The following ERC2 variants were observed in gnomAD, a reference collection of about 807,000 sequenced individuals.
The protein encoded by ERC2 is ERC protein 2.
A neutral mutation model predicts 114.8 loss-of-function variants in ERC2; 42 were observed. The ratio of observed to expected loss-of-function variants is 0.37; its 90% CI spans 0.29 to 0.47. The LOEUF (loss-of-function observed/expected upper bound fraction) is 0.47. Ranked by LOEUF, ERC2 falls within the 20% of genes least tolerant of loss-of-function variation. ERC2 has a pLI of 0.99. For synonymous variants in ERC2, 454 were observed against 425.5 expected, an observed-to-expected ratio of 1.07 and a Z score of -0.82; for missense variants, 939 against 1,150.7, an observed-to-expected ratio of 0.82 and a Z score of 2.66.
intron 2 of ERC2, among the ~76,000 whole-genome samples, chr3:56,323,125 T>C (rs2057202237): frequency 6.6e-6 from 1 of 152,156 alleles, no homozygotes; most frequent in Non-Finnish European, 1.5e-5. Context: ...ATCTTGGAAT[T>C]TCCAGCCACC....
At chr3:56,010,855 G>A (rs1308975852) in intron 8 of ERC2, among the ~76,000 whole-genome samples, 3 of 152,204 alleles carry the variant, frequency 2.0e-5, no homozygotes, top group Non-Finnish European at 1.5e-5. Context: ...GGTTGCTCTT[G>A]GTTCATGGTA....
chr3:56,007,306 G>A lies in ERC2; in HGVS notation c.1936C>T (p.Leu646Phe). 2 of 1,598,358 alleles carry A rather than the reference G, an allele frequency of 1.3e-6. No homozygotes were observed. The highest frequency in any genetic ancestry group is 1.7e-6 in the Non-Finnish European group (2 of 1,172,030). The stretch of plus-strand genomic sequence containing the variant: ...GCTAATGAAGATGCATGTTCTTTGA[G>A]GTCAATTAAACTAGACTGAAAGAGA... ...LTEKESSLID[L>F]KEHASSLASA... Residue 646 changes from leucine to phenylalanine, a missense_variant, in exon 10 of 18, where the codon CTC becomes TTC. By Grantham distance (22) the Leu-to-Phe change is conservative. Transcript: ENST00000288221.
At chr3:56,091,816 G>A (rs143244578) in intron 6 of ERC2, among the ~76,000 whole-genome samples, 2 of 152,186 alleles carry the variant, frequency 1.3e-5, no homozygotes, top group African/African-American at 4.8e-5. Context: ...GCCTTTCAAG[G>A]CGTCTAGTTA....
At chr3:56,361,536 G>A (rs1289271567) in intron 2 of ERC2, among the ~76,000 whole-genome samples, 1 of 152,128 alleles carries the variant, frequency 6.6e-6, no homozygotes, top group Non-Finnish European at 1.5e-5. Context: ...AATATAAATG[G>A]TCAAGACTCA....
intron 16 of ERC2, among the ~76,000 whole-genome samples, chr3:55,693,474 G>A (rs1425432535): frequency 2.6e-5 from 4 of 152,074 alleles, no homozygotes; most frequent in Non-Finnish European, 5.9e-5. Context: ...ACCCAGAGCA[G>A]TTCCCCTCCC....
chr3:56,332,943 T>G (rs1189171628), intron 2 of ERC2, among the ~76,000 whole-genome samples: 1 of 152,254 alleles, frequency 6.6e-6, no homozygotes, highest in Non-Finnish European at 1.5e-5. Flanking sequence ...TACTGCATTT[T>G]CTATTTACTT....
At chr3:56,355,535 T>C (rs775179090) in intron 2 of ERC2, among the ~76,000 whole-genome samples, 9 of 152,012 alleles carry the variant, frequency 5.9e-5, no homozygotes, top group Non-Finnish European at 1.3e-4. Context: ...TGGTCTTGAA[T>C]TTCTGCACTC....
chr3:55,618,256 G>A (rs914742846), intron 17 of ERC2, among the ~76,000 whole-genome samples: 1 of 152,062 alleles, frequency 6.6e-6, no homozygotes, highest in African/African-American at 2.4e-5. Flanking sequence ...AGAGACTTGG[G>A]GTAAGTACAG....
chr3:56,422,576 G>A (rs1044370425), intron 2 of ERC2, among the ~76,000 whole-genome samples: 13 of 152,100 alleles, frequency 8.5e-5, no homozygotes, highest in African/African-American at 2.7e-4. Flanking sequence ...TGTCCTTTCT[G>A]TATACCTCTT....
intron 6 of ERC2, among the ~76,000 whole-genome samples, chr3:56,135,477 C>T (rs1257684245): frequency 3.9e-5 from 6 of 152,050 alleles, no homozygotes; most frequent in African/African-American, 1.2e-4. Context: ...TGTGACCTGC[C>T]CAAACATCCC....
chr3:56,186,114 TAAAAAAAAAAAAAAAA>T (rs201544979), intron 3 of ERC2, among the ~76,000 whole-genome samples: 3 of 102,546 alleles, frequency 2.9e-5, no homozygotes, highest in Admixed American at 1.1e-4. Flanking sequence ...TCAAGAACCT[TAAAAAAAAAAAAAAAA>T]AAAAAAAAAA....
intron 6 of ERC2, among the ~76,000 whole-genome samples, chr3:56,129,643 G>A (rs1375350625): frequency 6.6e-6 from 1 of 152,078 alleles, no homozygotes; most frequent in Non-Finnish European, 1.5e-5. Context: ...CTTAGCAGAG[G>A]ACATGTATTT....
intron 4 of ERC2, among the ~76,000 whole-genome samples, chr3:56,169,822 AAC>A (rs371947199): frequency 0.25 from 36,443 of 143,986 alleles, 5,770 homozygotes; most frequent in Middle Eastern, 0.38. Flanking sequence ...AAAAAAAAAA[AAC>A]AAATGGCTTT....
At chr3:56,281,272 C>G (rs34718158) in intron 3 of ERC2, among the ~76,000 whole-genome samples, 38,350 of 150,074 alleles carry the variant, frequency 0.26, 5,721 homozygotes, top group Non-Finnish European at 0.33. Flanking sequence ...CCCGTCTCTA[C>G]TAAAAATACA....
chr3:56,393,248 A>T (rs1025189797), intron 2 of ERC2, among the ~76,000 whole-genome samples: 1 of 152,174 alleles, frequency 6.6e-6, no homozygotes, highest in East Asian at 1.9e-4. Flanking sequence ...AAATACAAAA[A>T]TTAGCCAGGC....
At chr3:56,418,123 C>A (rs1257648546) in intron 2 of ERC2, among the ~76,000 whole-genome samples, 1 of 150,124 alleles carries the variant, frequency 6.7e-6, no homozygotes, top group African/African-American at 2.5e-5. Flanking sequence ...CCTGTCTCTA[C>A]AAAAAAAAAT....
intron 12 of ERC2, among the ~76,000 whole-genome samples, chr3:55,973,299 G>T (rs189752823): frequency 1.3e-5 from 2 of 152,308 alleles, no homozygotes; most frequent in East Asian, 3.9e-4. Flanking sequence ...ATGAGCTACA[G>T]GCCACTTAGA....
intron 13 of ERC2, among the ~76,000 whole-genome samples, chr3:55,944,177 A>G (rs2149432009): frequency 6.6e-6 from 1 of 152,320 alleles, no homozygotes. Flanking sequence ...CCATAATAAC[A>G]ATGATTACAT....
Position 55,864,685 on chromosome 3 carries a change from T to C in ERC2, c.2564+23704A>G, listed in dbSNP as rs2062213673. Reference sequence around the variant, plus strand: ...CTTAAGGTTTATGGCTGCAAATGCCTGAAAAGATATAACTTAAATGCCTCA... The same window carrying C: ...CTTAAGGTTTATGGCTGCAAATGCCCGAAAAGATATAACTTAAATGCCTCA... On this transcript the variant is annotated intron_variant, in intron 14 of 17. Coordinates refer to ENST00000288221, the MANE Select transcript of ERC2 (RefSeq NM_015576.3). Among the ~76,000 whole-genome samples, 5 of 152,156 alleles carry C rather than the reference T, an allele frequency of 3.3e-5. No individual in the cohort carries two copies. In the South Asian group the frequency reaches 1.0e-3, roughly 32 times the overall value.
Sources: gnomAD v4.1 joint callset for allele counts (sites outside exome capture counted in the v4.1 genomes callset) on GRCh38, gnomAD v4.1.1 for gene constraint, MANE v1.5 for transcripts, NCBI Gene and HGNC (gene_info 2026-07-23, HGNC 2026-07-21) for gene names.